Variants in DPP10 observed in about 807,000 individuals in gnomAD.
DPP10 encodes the protein inactive dipeptidyl peptidase 10.
Under a neutral mutation model 120.9 loss-of-function variants are expected in DPP10, and 33 were observed. That is an observed-to-expected ratio of 0.27 (90% confidence interval 0.21 to 0.37). The LOEUF is 0.37. Among genes scored for constraint, DPP10 ranks in the 10% least tolerant of loss-of-function variants. The pLI, the probability that DPP10 is intolerant of heterozygous loss-of-function variation, is 1.00. For synonymous variants in DPP10, 337 were observed against 326.1 expected (o/e 1.03, Z -0.36); for missense variants, 816 against 942.8 (o/e 0.87, Z 1.76).
chr2:114,594,516 C>T (rs544158450), intron 1 of DPP10, among the ~76,000 whole-genome samples: 1 of 147,178 alleles, frequency 6.8e-6, no homozygotes, highest in Non-Finnish European at 1.5e-5. Flanking sequence ...TATACACACA[C>T]ATATATGTGT....
At chr2:115,801,020 T>A (rs1473228183) in intron 19 of DPP10, among the ~76,000 whole-genome samples, 10 of 152,220 alleles carry the variant, frequency 6.6e-5, no homozygotes, top group Middle Eastern at 3.2e-3. Flanking sequence ...ATAAATTACC[T>A]TGGGCAGTAT....
chr2:115,497,262 G>A (rs2076447858), intron 3 of DPP10, among the ~76,000 whole-genome samples: 1 of 152,034 alleles, frequency 6.6e-6, no homozygotes, highest in Admixed American at 6.6e-5. Context: ...ACGAGGAGGG[G>A]ATGAGGTTTA....
intron 11 of DPP10, among the ~76,000 whole-genome samples, chr2:115,759,189 TAAA>T (rs1358105850): frequency 6.6e-6 from 1 of 151,968 alleles, no homozygotes; most frequent in African/African-American, 2.4e-5. Context: ...AACTCAATAA[TAAA>T]AACACAACCT....
intron 5 of DPP10, among the ~76,000 whole-genome samples, chr2:115,592,792 GA>G (rs202082658): frequency 0.011 from 1,617 of 151,684 alleles, 16 homozygotes; most frequent in South Asian, 0.049. Context: ...AGAAAGAAAG[GA>G]AAAAAACTGA....
chr2:115,309,755 T>A (rs1013328659), intron 2 of DPP10, among the ~76,000 whole-genome samples: 11 of 152,054 alleles, frequency 7.2e-5, no homozygotes, highest in African/African-American at 2.7e-4. Context: ...AAGACAGGAT[T>A]TGATGGAAAA....
chr2:114,742,859 T>C (rs1338663717), intron 1 of DPP10, among the ~76,000 whole-genome samples: 1 of 152,210 alleles, frequency 6.6e-6, no homozygotes, highest in African/African-American at 2.4e-5. Context: ...AGTCATCAGC[T>C]AGAAGAAATG....
intron 1 of DPP10, among the ~76,000 whole-genome samples, chr2:115,058,184 A>G (rs10164698): frequency 0.97 from 147,445 of 151,496 alleles, 71,883 homozygotes; most frequent in Middle Eastern, 1. Context: ...ATATCATAGA[A>G]CTTTCTTTCT....
chr2:115,654,290 G>A (rs1413673373), intron 5 of DPP10, among the ~76,000 whole-genome samples: 4 of 151,778 alleles, frequency 2.6e-5, no homozygotes, highest in Admixed American at 2.0e-4. Context: ...AGAAATCAAA[G>A]CGAATTGCCT....
intron 19 of DPP10, among the ~76,000 whole-genome samples, chr2:115,807,403 C>T (rs901945660): frequency 2.6e-5 from 4 of 152,120 alleles, no homozygotes; most frequent in Non-Finnish European, 5.9e-5. Flanking sequence ...AGAGCTGGCT[C>T]ATTAATATCT....
chr2:114,937,745 A>G (rs762748900), intron 1 of DPP10, among the ~76,000 whole-genome samples: 2 of 152,064 alleles, frequency 1.3e-5, no homozygotes, highest in African/African-American at 4.8e-5. Flanking sequence ...AACGTGCCCA[A>G]TCTCTTCTGA....
intron 1 of DPP10, among the ~76,000 whole-genome samples, chr2:114,743,114 C>T (rs1678228918): frequency 6.6e-6 from 1 of 152,254 alleles, no homozygotes; most frequent in African/African-American, 2.4e-5. Context: ...AAGGTAATAG[C>T]TCTGCCTAAC....
intron 1 of DPP10, among the ~76,000 whole-genome samples, chr2:114,713,579 TCTAA>T (rs1294289501): frequency 1.3e-5 from 2 of 152,198 alleles, no homozygotes; most frequent in Non-Finnish European, 2.9e-5. Context: ...TCACTCACCT[TCTAA>T]CTTTCAATGA....
chr2:115,731,133 G>T (rs967542559), intron 8 of DPP10, among the ~76,000 whole-genome samples: 2 of 152,164 alleles, frequency 1.3e-5, no homozygotes, highest in African/African-American at 4.8e-5. Flanking sequence ...GCCAAGGCCG[G>T]TGGATCATGA....
chr2:115,446,912 C>T (rs572615032), intron 3 of DPP10, among the ~76,000 whole-genome samples: 6 of 152,188 alleles, frequency 3.9e-5, no homozygotes, highest in South Asian at 4.2e-4. Context: ...TTGAAATGCA[C>T]GAGGTTAGAA....
At chr2:115,310,406 T>G (rs889273910) in intron 2 of DPP10, among the ~76,000 whole-genome samples, 18 of 152,184 alleles carry the variant, frequency 1.2e-4, no homozygotes, top group African/African-American at 4.3e-4. Flanking sequence ...GCAGTATCAA[T>G]TGTTCCAGTG....
At chr2:114,629,218 C>T (rs1694740195) in intron 1 of DPP10, among the ~76,000 whole-genome samples, 2 of 152,216 alleles carry the variant, frequency 1.3e-5, no homozygotes, top group South Asian at 4.1e-4. Context: ...TTCAAACTTT[C>T]TCTGCCCCCT....
chr2:114,490,325 G>T (rs755749149), intron 1 of DPP10, among the ~76,000 whole-genome samples: 22 of 152,138 alleles, frequency 1.4e-4, no homozygotes, highest in Non-Finnish European at 2.2e-4. Flanking sequence ...TTATAACTCT[G>T]TGTAGGCATT....
chr2:115,066,220 C>A (rs920663801), intron 1 of DPP10, among the ~76,000 whole-genome samples: 1 of 151,956 alleles, frequency 6.6e-6, no homozygotes, highest in African/African-American at 2.4e-5. Flanking sequence ...ATGTTTTTCA[C>A]GTTATAGATA....
intron 7 of DPP10, among the ~76,000 whole-genome samples, chr2:115,699,278 C>CAA (rs1415281842): frequency 6.6e-6 from 1 of 152,094 alleles, no homozygotes; most frequent in Non-Finnish European, 1.5e-5. Context: ...ATGCAGTAAT[C>CAA]AAAAACCTCC....
Sources: gnomAD v4.1 joint callset for allele counts (sites outside exome capture counted in the v4.1 genomes callset) on GRCh38, gnomAD v4.1.1 for gene constraint, MANE v1.5 for transcripts, NCBI Gene and HGNC (gene_info 2026-07-23, HGNC 2026-07-21) for gene names.